The following COL5A1 variants were observed in gnomAD, a reference collection of about 807,000 sequenced individuals.
The protein encoded by COL5A1 is collagen alpha-1(V) chain.
Under a neutral mutation model 263.7 loss-of-function variants are expected in COL5A1, and 16 were observed. That is an observed-to-expected ratio of 0.06 (90% CI 0.04 to 0.09). COL5A1 has a LOEUF of 0.09. Ranked by LOEUF, COL5A1 falls within the 10% of genes least tolerant of loss-of-function variation. The probability of loss-of-function intolerance (pLI) is 1.00; values close to 1 mark genes in which losing one functional copy is unlikely to be tolerated. For missense variants in COL5A1, 2,036 were observed against 2,540.5 expected (o/e 0.80, Z 4.27); for synonymous variants, 1,012 against 1,004.5 (o/e 1.01, Z -0.14).
rs138595312 is a variant in COL5A1 at position 134,829,635 on chromosome 9, C to G, written c.5068-341C>G. Among the ~76,000 whole-genome samples, 912 of 148,648 alleles carry G rather than the reference C, an allele frequency of 6.1e-3. 31 individuals are homozygous for G. The highest frequency in any genetic ancestry group is 0.022 in the African/African-American group (845 of 39,038). ...CTCATCCTCACGCGGCCTCCAGTCT[C>G]CCCGAGGGCCCCGGCCAGGCTCATC... is the stretch of plus-strand genomic sequence containing the variant. On this transcript the variant is annotated intron_variant, in intron 63 of 65. Transcript: ENST00000371817.
At chr9:134,687,457 A>G (rs1317645542) in intron 1 of COL5A1, among the ~76,000 whole-genome samples, 2 of 135,366 alleles carry the variant, frequency 1.5e-5, no homozygotes, top group Non-Finnish European at 3.3e-5. Context: ...CCATCCATCC[A>G]TCATCCATCC....
Position 134,794,299 on chromosome 9 carries a change from T to G in COL5A1, c.2701-783T>G, listed in dbSNP as rs1443726783. On this transcript the variant is annotated intron_variant, in intron 32 of 65. Coordinates refer to ENST00000371817, the MANE Select transcript of COL5A1 (RefSeq NM_000093.5). This position sits in a 1 kb window ranked among gnomAD's most constrained non-coding sequence, Gnocchi z 4.3. ...TCACACCATTGCATTCATTCCAGCCTGGCGGCAGAGCAAGACTCTGTCTAA... is the reference window on the plus strand; with the variant it reads ...TCACACCATTGCATTCATTCCAGCCGGGCGGCAGAGCAAGACTCTGTCTAA... Among the ~76,000 whole-genome samples the G allele has an allele frequency of 3.4e-5, 5 of 147,666 alleles. No individual in the cohort carries two copies. Among genetic ancestry groups the G allele is most frequent in the African/African-American group, 1.3e-4 (5 of 39,548 alleles).
At chr9:134,823,780 T>C (rs1305976893) in intron 61 of COL5A1, among the ~76,000 whole-genome samples, 1 of 152,186 alleles carries the variant, frequency 6.6e-6, no homozygotes, top group Non-Finnish European at 1.5e-5. Context: ...TGGGCACGTG[T>C]GTGTGCATGT....
Position 134,795,333 on chromosome 9 carries a change from T to G in COL5A1, c.2799+18T>G. 6.2e-7 allele frequency: 1 copy of G among 1,611,458 alleles called. No individual in the cohort carries two copies. The highest frequency in any genetic ancestry group is 8.5e-7 in the Non-Finnish European group (1 of 1,179,258). On this transcript the variant is annotated intron_variant, in intron 34 of 65. Transcript: ENST00000371817. ...GCCCCAAGGTATGTTTTTGGCCTCC[T>G]GGGCGGTGGGCGGCGTGAACCCAAG...
At position 134,700,593 on chromosome 9, in the gene COL5A1, C is replaced by T. The variant is rs900314048; in HGVS notation, c.491+471C>T. On this transcript the variant is annotated intron_variant, in intron 3 of 65. Coordinates refer to ENST00000371817, the MANE Select transcript of COL5A1 (RefSeq NM_000093.5). The surrounding 1 kb of genome is among the most constrained non-coding windows in gnomAD (Gnocchi z 4.0). ...TCAGTCTCCTCTTTCGTGGTCAGCA[C>T]GTGTGAGGTCATGCCCTGATAATCT... 3.9e-5 allele frequency among the ~76,000 whole-genome samples: 6 copies of T among 152,164 alleles called. No homozygotes were observed. Among genetic ancestry groups the T allele is most frequent in the East Asian group, 3.9e-4 (2 of 5,188 alleles).
intron 14 of COL5A1, 111 bp downstream of exon 14, chr9:134,752,756 C>T (rs1835830957): frequency 5.9e-6 from 5 of 850,836 alleles, no homozygotes; most frequent in Non-Finnish European, 9.7e-6. Flanking sequence ...CACAGAGCGG[C>T]CCTTGGTCCA....
At chr9:134,747,679 A>G (rs1241329999) in intron 11 of COL5A1, among the ~76,000 whole-genome samples, 1 of 151,870 alleles carries the variant, frequency 6.6e-6, no homozygotes, top group African/African-American at 2.4e-5. Flanking sequence ...ATGTATTCAT[A>G]CACACATGCA....
rs568982990 is a variant in COL5A1 at position 134,710,855 on chromosome 9, GC to G, written c.654+9526del. ...TGTTGGGTGCAGTGGTGGGGGAGGG[GC>G]CCCATTTAGTGCAGTGGTGGGGGAG... On this transcript the variant is annotated intron_variant, in intron 4 of 65. Coordinates refer to ENST00000371817, the MANE Select transcript of COL5A1 (RefSeq NM_000093.5). Among the ~76,000 whole-genome samples the G allele has an allele frequency of 3.3e-3, 395 of 120,950 alleles. 103 individuals carry two copies. The highest frequency in any genetic ancestry group is 0.017 in the African/African-American group (365 of 22,000). 79.3% of individuals were successfully genotyped at this position (120,950 alleles called of 152,430 possible).
rs201804280 is a variant in COL5A1 at position 134,820,088 on chromosome 9, G to A, written c.4447-28G>A. 414 of 1,575,124 alleles carry A rather than the reference G, an allele frequency of 2.6e-4. 2 individuals carry two copies. In the African/African-American group the frequency reaches 4.9e-3, roughly 19 times the overall value. On this transcript the variant is annotated intron_variant, in intron 57 of 65. Coordinates refer to ENST00000371817, the MANE Select transcript of COL5A1 (RefSeq NM_000093.5). ...AGCATGAGGCGTGGCTCCCTCAAATGCCCCTTCCTGTCTTCATTTTCCCAC... is the reference window on the plus strand; with the variant it reads ...AGCATGAGGCGTGGCTCCCTCAAATACCCCTTCCTGTCTTCATTTTCCCAC...
At chr9:134,760,814 C>T (rs1158566844) in intron 18 of COL5A1, among the ~76,000 whole-genome samples, 1 of 147,110 alleles carries the variant, frequency 6.8e-6, no homozygotes, top group Non-Finnish European at 1.5e-5. Flanking sequence ...TGACACACCC[C>T]CACATGCATA....
chr9:134,732,398 C>T (rs530479840), intron 9 of COL5A1: 3 of 583,562 alleles, frequency 5.1e-6, no homozygotes, highest in East Asian at 2.9e-5. Flanking sequence ...CTGGGCATCT[C>T]AGTGCTGGTC....
chr9:134,786,361 C>T (rs1212865423), intron 31 of COL5A1, among the ~76,000 whole-genome samples: 2 of 152,222 alleles, frequency 1.3e-5, no homozygotes, highest in Non-Finnish European at 2.9e-5. Context: ...CAGCCTCCAC[C>T]GTGTTCACTG....
intron 38 of COL5A1, among the ~76,000 whole-genome samples, chr9:134,802,387 G>A (rs1838146525): frequency 6.6e-6 from 1 of 152,212 alleles, no homozygotes; most frequent in African/African-American, 2.4e-5. Context: ...ACCAGTGGCA[G>A]ATCAGTGTCA....
At chr9:134,648,767 C>A (rs773062312) in intron 1 of COL5A1, among the ~76,000 whole-genome samples, 1 of 152,144 alleles carries the variant, frequency 6.6e-6, no homozygotes, top group Non-Finnish European at 1.5e-5. Context: ...TCACTGGGTA[C>A]GCAGGAGAAA....
intron 46 of COL5A1, among the ~76,000 whole-genome samples, chr9:134,811,916 T>C (rs941253772): frequency 2.0e-5 from 3 of 152,258 alleles, no homozygotes; most frequent in African/African-American, 7.2e-5. Context: ...GCATGTTTCA[T>C]GGCCATGCCT....
chr9:134,763,643 T>C, intron 19 of COL5A1, 50 bp from the exon 20 acceptor site: 1 of 1,578,764 alleles, frequency 6.3e-7, no homozygotes, highest in Non-Finnish European at 8.7e-7. Flanking sequence ...GAAGCTGGTG[T>C]CCAGGCTAAC....
intron 1 of COL5A1, among the ~76,000 whole-genome samples, chr9:134,683,221 C>T (rs1298920097): frequency 6.6e-6 from 1 of 152,212 alleles, no homozygotes; most frequent in Non-Finnish European, 1.5e-5. Context: ...GGCTACAGGT[C>T]CCCTGGCTGC....
intron 46 of COL5A1, 121 bp downstream of exon 46, chr9:134,811,720 T>C: frequency 1.2e-6 from 1 of 820,958 alleles, no homozygotes; most frequent in Non-Finnish European, 2.0e-6. Flanking sequence ...GCAGGGGGCC[T>C]CCTGGGCCTC....
At chr9:134,720,085 G>A (rs1390089321) in intron 4 of COL5A1, among the ~76,000 whole-genome samples, 2 of 152,260 alleles carry the variant, frequency 1.3e-5, no homozygotes, top group African/African-American at 2.4e-5. Flanking sequence ...AAATTCCTGG[G>A]GTGCCTCAGT....
Sources: allele counts gnomAD v4.1 joint callset (sites outside exome capture counted in the v4.1 genomes callset), GRCh38; gene constraint gnomAD v4.1.1; non-coding constraint Gnocchi (gnomAD v3.1); transcripts MANE v1.5; gene names NCBI Gene and HGNC (gene_info 2026-07-23, HGNC 2026-07-21).